TUBGCP3: variants seen among roughly 807,000 people sequenced by gnomAD.
TUBGCP3 encodes the protein tubulin gamma complex component 3, also known as gamma-tubulin complex component 3.
A neutral mutation model predicts 123.1 loss-of-function variants in TUBGCP3; 50 were observed. That is an observed-to-expected ratio of 0.41 (90% confidence interval 0.32 to 0.51). The LOEUF (loss-of-function observed/expected upper bound fraction) is 0.51. TUBGCP3 is among the 20% of genes least tolerant of loss of function. The pLI is 0.36. For missense variants in TUBGCP3, 882 were observed against 1,127.0 expected (o/e 0.78, Z 3.11); for synonymous variants, 405 against 413.9 (o/e 0.98, Z 0.26).
chr13:112,487,083 CTG>C (rs373263012), intron 21 of TUBGCP3, among the ~76,000 whole-genome samples: 4 of 77,226 alleles, frequency 5.2e-5, no homozygotes, highest in African/African-American at 2.2e-4. Flanking sequence ...GTGTGTGTGT[CTG>C]TGTGTGTGTG....
intron 8 of TUBGCP3, among the ~76,000 whole-genome samples, chr13:112,549,662 T>C (rs1346257951): frequency 6.6e-6 from 1 of 152,088 alleles, no homozygotes; most frequent in Non-Finnish European, 1.5e-5. Context: ...CCCCTATTAG[T>C]AGTAAGAACT....
chr13:112,497,994 G>A (rs766672220), intron 20 of TUBGCP3, among the ~76,000 whole-genome samples: 14 of 152,006 alleles, frequency 9.2e-5, no homozygotes, highest in African/African-American at 2.7e-4. Context: ...GAAAATAACC[G>A]TTAAGTACAG....
intron 1 of TUBGCP3, among the ~76,000 whole-genome samples, chr13:112,571,632 G>A (rs1218904014): frequency 6.6e-6 from 1 of 152,158 alleles, no homozygotes; most frequent in Non-Finnish European, 1.5e-5. Flanking sequence ...TCTGAAGGAA[G>A]GCACTAACTT....
intron 13 of TUBGCP3, 88 bp downstream of exon 13, chr13:112,526,854 A>G (rs921683057): frequency 1.0e-6 from 1 of 955,814 alleles, no homozygotes; most frequent in Middle Eastern, 2.1e-4. Context: ...CGTCATCAAC[A>G]TCACTGTTAC....
At chr13:112,497,862 G>A (rs1364497580) in intron 20 of TUBGCP3, among the ~76,000 whole-genome samples, 1 of 152,222 alleles carries the variant, frequency 6.6e-6, no homozygotes, top group East Asian at 1.9e-4. Flanking sequence ...TGTCATATAT[G>A]CAGTCTGTCA....
chr13:112,514,420 G>A (rs967212335), intron 17 of TUBGCP3, among the ~76,000 whole-genome samples: 4 of 152,198 alleles, frequency 2.6e-5, no homozygotes, highest in Non-Finnish European at 5.9e-5. Flanking sequence ...GGAAGGCCAA[G>A]GTGGGAGGAT....
intron 20 of TUBGCP3, among the ~76,000 whole-genome samples, chr13:112,491,091 C>T (rs1000706256): frequency 9.8e-5 from 15 of 152,322 alleles, no homozygotes; most frequent in Middle Eastern, 3.4e-3. Context: ...CACTCCTTGG[C>T]CCCCCAAAAG....
rs1393180626 is a variant in TUBGCP3 at position 112,524,053 on chromosome 13, C to T, written c.1556-1544G>A. Reference sequence around the variant, plus strand: ...GAAGCAGCAGCGTCAGCAGCAGCAGCGCCCCGTCACCCTCAGCATCTGCAG... The same window carrying T: ...GAAGCAGCAGCGTCAGCAGCAGCAGTGCCCCGTCACCCTCAGCATCTGCAG... On this transcript the variant is annotated intron_variant, in intron 13 of 21. Transcript: ENST00000261965. This position sits in a 1 kb window ranked among gnomAD's most constrained non-coding sequence, Gnocchi z 4.4. 1.3e-5 allele frequency among the ~76,000 whole-genome samples: 2 copies of T among 152,122 alleles called. No homozygotes were observed. The highest frequency in any genetic ancestry group is 1.9e-4 in the East Asian group (1 of 5,174).
At chr13:112,532,507 C>T (rs1190750100) in intron 11 of TUBGCP3, among the ~76,000 whole-genome samples, 1 of 152,160 alleles carries the variant, frequency 6.6e-6, no homozygotes, top group Non-Finnish European at 1.5e-5. Context: ...AGTTGAAGCA[C>T]CTAATCTTTA....
At chr13:112,574,917 A>C (rs907909122) in intron 1 of TUBGCP3, among the ~76,000 whole-genome samples, 3 of 152,220 alleles carry the variant, frequency 2.0e-5, no homozygotes, top group African/African-American at 7.2e-5. Flanking sequence ...AGCCAGGCCC[A>C]GTCTCCCCAG....
In TUBGCP3 at chr13:112,571,152, A is replaced by G. The variant is rs144120900; in HGVS notation, c.77-1893T>C. On this transcript the variant is annotated intron_variant, in intron 1 of 21. Coordinates refer to ENST00000261965, the MANE Select transcript of TUBGCP3 (RefSeq NM_006322.6). The stretch of plus-strand genomic sequence containing the variant: ...ACAATTTGACCTCCCATGAATCACA[A>G]ATGATCTTAATGGCATCTAGAATGA... Among the ~76,000 whole-genome samples the G allele has an allele frequency of 1.8e-4, 27 of 152,326 alleles. No individual in the cohort carries two copies. The East Asian group carries it at 4.2e-3, about 24-fold the overall frequency.
chr13:112,533,799 CTT>C (rs56710076), intron 11 of TUBGCP3, among the ~76,000 whole-genome samples: 24 of 118,860 alleles, frequency 2.0e-4, no homozygotes, highest in Admixed American at 5.1e-4. Flanking sequence ...AAGAGAATTT[CTT>C]TTTTTTTTTT....
intron 21 of TUBGCP3, among the ~76,000 whole-genome samples, chr13:112,489,352 C>T (rs371974958): frequency 6.6e-6 from 1 of 152,272 alleles, no homozygotes; most frequent in African/African-American, 2.4e-5. Flanking sequence ...ACCACAGGGG[C>T]CACCCTTTGG....
rs754100494 is a variant in TUBGCP3 at position 112,531,032 on chromosome 13, G to A, written c.1336-3548C>T. Among the ~76,000 whole-genome samples the A allele has an allele frequency of 6.6e-5, 10 of 152,126 alleles. No individual in the cohort carries two copies. The South Asian group carries it at 1.0e-3, about 16-fold the overall frequency. Reference sequence around the variant, plus strand: ...AGTAAATTGTTGTTTTTTAAATAACGTCATTTTCCCAGGGCAACCAACCAA... The same window carrying A: ...AGTAAATTGTTGTTTTTTAAATAACATCATTTTCCCAGGGCAACCAACCAA... On this transcript the variant is annotated intron_variant, in intron 11 of 21. Coordinates refer to ENST00000261965, the MANE Select transcript of TUBGCP3 (RefSeq NM_006322.6).
intron 13 of TUBGCP3, among the ~76,000 whole-genome samples, chr13:112,525,155 AAAT>A (rs1467754922): frequency 6.6e-6 from 1 of 152,158 alleles, no homozygotes; most frequent in Non-Finnish European, 1.5e-5. Flanking sequence ...TCACATTATT[AAAT>A]AATAACTTTT....
chr13:112,541,500 C>A (rs190938826), intron 11 of TUBGCP3, among the ~76,000 whole-genome samples: 1 of 149,734 alleles, frequency 6.7e-6, no homozygotes, highest in East Asian at 2.0e-4. Context: ...CAAGATGATA[C>A]CACTGCATTC....
At chr13:112,570,562 A>G (rs1350105479) in intron 1 of TUBGCP3, among the ~76,000 whole-genome samples, 3 of 152,230 alleles carry the variant, frequency 2.0e-5, no homozygotes, top group Non-Finnish European at 4.4e-5. Context: ...GCTAACAATC[A>G]TCTGAGCCTT....
chr13:112,561,190 G>C (rs1387725265), intron 3 of TUBGCP3, among the ~76,000 whole-genome samples: 1 of 152,234 alleles, frequency 6.6e-6, no homozygotes, highest in East Asian at 1.9e-4. Flanking sequence ...TCTGGAGGGA[G>C]ATGCAAGCAG....
Position 112,485,040 on chromosome 13 carries a change from T to A in TUBGCP3, c.*953A>T, listed in dbSNP as rs1879564531. The A allele has an allele frequency of 6.6e-6, 1 of 152,528 alleles. No individual in the cohort carries two copies. The allele number at this position is 152,528 out of a possible 1,614,324, so 9.4% of individuals were successfully genotyped here. On this transcript the variant is annotated 3_prime_UTR_variant, in exon 22 of 22. Transcript: ENST00000261965. ...AGATAATTGCTTTTAATTTTCTAAATTTTCACTTATGCAACATAAAGGCAG... is the reference window on the plus strand; with the variant it reads ...AGATAATTGCTTTTAATTTTCTAAAATTTCACTTATGCAACATAAAGGCAG...
Sources: gnomAD v4.1 joint callset for allele counts (sites outside exome capture counted in the v4.1 genomes callset) on GRCh38, gnomAD v4.1.1 for gene constraint, Gnocchi (gnomAD v3.1) non-coding constraint, MANE v1.5 for transcripts, NCBI Gene and HGNC (gene_info 2026-07-23, HGNC 2026-07-21) for gene names.